The following SLC52A3 variants were observed in gnomAD, a reference collection of about 807,000 sequenced individuals.
SLC52A3 encodes the protein solute carrier family 52, riboflavin transporter, member 3.
A neutral mutation model predicts 29.5 loss-of-function variants in SLC52A3; 20 were observed. The ratio of observed to expected loss-of-function variants is 0.68; its 90% CI spans 0.48 to 0.99. The LOEUF is 0.99. Ranked by LOEUF, SLC52A3 falls within the 50% of genes least tolerant of loss-of-function variation. SLC52A3 has a pLI of 0.00. For synonymous variants in SLC52A3, 301 were observed against 271.0 expected, an observed-to-expected ratio of 1.11 and a Z score of -1.09; for missense variants, 548 against 612.9, an observed-to-expected ratio of 0.89 and a Z score of 1.12.
upstream of SLC52A3, among the ~76,000 whole-genome samples, chr20:777,542 A>G (rs543993102): frequency 4.6e-5 from 7 of 152,360 alleles, no homozygotes; most frequent in African/African-American, 7.2e-5. Flanking sequence ...TGGTGCCTCC[A>G]TGGATGTAAA....
In SLC52A3 at chr20:763,953, C is replaced by A; in HGVS notation, c.618G>T (p.Leu206Phe). 1 of 1,611,256 alleles carries A rather than the reference C, an allele frequency of 6.2e-7. No individual in the cohort carries two copies. The highest frequency in any genetic ancestry group is 8.5e-7 in the Non-Finnish European group (1 of 1,178,634). Reference sequence around the variant, plus strand: ...GAAGGTAGCGGCTCTCCAGGTGGGACAAGGGTGCTTCCATTCCGGGGAGGG... The same window carrying A: ...GAAGGTAGCGGCTCTCCAGGTGGGAAAAGGGTGCTTCCATTCCGGGGAGGG... ...VSALPGMEAP[L>F]SHLESRYLPA... Residue 206 changes from leucine to phenylalanine, a missense_variant, in exon 3 of 5, where the codon TTG (leucine) becomes TTT (phenylalanine). By Grantham distance (22) the Leu-to-Phe change is conservative. Coordinates refer to ENST00000645534, the MANE Select transcript of SLC52A3 (RefSeq NM_033409.4).
chr20:760,740 C>A lies in SLC52A3; in HGVS notation c.*286G>T, dbSNP rs530060476. 51 of 481,658 alleles carry A rather than the reference C, an allele frequency of 1.1e-4. No individual in the cohort carries two copies. In the East Asian group the frequency reaches 1.6e-3, roughly 15 times the overall value. The allele number at this position is 481,658 out of a possible 1,614,324, so 29.8% of individuals were successfully genotyped here. On this transcript the variant is annotated 3_prime_UTR_variant, in exon 5 of 5. Transcript: ENST00000645534. The surrounding 1 kb of genome is among the most constrained non-coding windows in gnomAD (Gnocchi z 4.9). ...GCTGTCCCAGCTGTTTCCCTTCTAA[C>A]ACCCTTGGGCCTGCCTCCAGCTAGA... is the stretch of plus-strand genomic sequence containing the variant.
chr20:762,837 C>T (rs781117669), intron 3 of SLC52A3, among the ~76,000 whole-genome samples: 4 of 152,150 alleles, frequency 2.6e-5, no homozygotes, highest in Non-Finnish European at 5.9e-5. Flanking sequence ...AGCGTGGATA[C>T]GAGGCTGTAG....
upstream of SLC52A3, among the ~76,000 whole-genome samples, chr20:779,391 G>A (rs532650514): frequency 4.1e-4 from 63 of 152,344 alleles, no homozygotes; most frequent in Admixed American, 9.8e-4. Flanking sequence ...GGAGGCCAAC[G>A]CGGGTGGATC....
At chr20:766,688 C>G (rs1326651557) in intron 1 of SLC52A3, among the ~76,000 whole-genome samples, 1 of 152,122 alleles carries the variant, frequency 6.6e-6, no homozygotes, top group African/African-American at 2.4e-5. Context: ...TATCTCCCTT[C>G]GCTGACTCTC....
intron 1 of SLC52A3, among the ~76,000 whole-genome samples, chr20:774,546 C>T (rs527554585): frequency 2.6e-5 from 4 of 152,198 alleles, no homozygotes; most frequent in Middle Eastern, 3.4e-3. Flanking sequence ...CAGAAAGAAC[C>T]GAAAGCTAGA....
upstream of SLC52A3, among the ~76,000 whole-genome samples, chr20:771,207 G>A (rs1986833097): frequency 6.6e-6 from 1 of 152,180 alleles, no homozygotes; most frequent in African/African-American, 2.4e-5. Context: ...ATCACTTGAG[G>A]TCAGGAGTTC....
intron 2 of SLC52A3, 152 bp from the exon 3 acceptor site, chr20:764,155 C>T (rs1986594537): frequency 4.3e-6 from 4 of 923,998 alleles, no homozygotes; most frequent in East Asian, 5.3e-5. Context: ...AATGACTGCT[C>T]ATACTGACTG....
chr20:774,270 T>A (rs753840318), intron 1 of SLC52A3, among the ~76,000 whole-genome samples: 1 of 152,184 alleles, frequency 6.6e-6, no homozygotes, highest in Non-Finnish European at 1.5e-5. Context: ...CCTGGGGCAG[T>A]GCCAGGTGGC....
chr20:761,882 C>T, intron 3 of SLC52A3, 58 bp from the exon 4 acceptor site: 1 of 1,612,082 alleles, frequency 6.2e-7, no homozygotes, highest in Non-Finnish European at 8.5e-7. Flanking sequence ...GACCCCCCCG[C>T]CCCACTGGGC....
At chr20:772,587 GTTTT>G (rs11475216), upstream of SLC52A3, among the ~76,000 whole-genome samples, 82 of 147,718 alleles carry the variant, frequency 5.6e-4, 2 homozygotes, top group Admixed American at 1.3e-3. Context: ...TGTATTTTCT[GTTTT>G]TTTTTTTTTT....
At chr20:771,420 CTT>C (rs138690477), upstream of SLC52A3, among the ~76,000 whole-genome samples, 27,840 of 152,102 alleles carry the variant, frequency 0.18, 3,227 homozygotes, top group Middle Eastern at 0.32. Context: ...AAGCAAGACT[CTT>C]GTCTCAAAAA....
At position 761,179 on chromosome 20, in the gene SLC52A3, C is replaced by A; in HGVS notation, c.1257G>T (p.Val419=). The A allele has an allele frequency of 3.2e-6, 5 of 1,571,444 alleles. No homozygotes were observed. The highest frequency in any genetic ancestry group is 2.6e-6 in the Non-Finnish European group (3 of 1,159,996). ...CGCTGCGGCTGAGGTCGCGCAGGAC[C>A]ACGCCCAGCATCACCTTGACGTAAC... ...CLSYVKVMLG[V]VLRDLSRSAL... is the part of the protein sequence containing the mutation. Residue 419 remains valine (V), a synonymous_variant, in exon 5 of 5, where the codon GTG becomes GTT. Transcript: ENST00000645534.
At chr20:775,111 TGACCTTGGTGGAGCA>T (rs1054057133) in intron 1 of SLC52A3, among the ~76,000 whole-genome samples, 3 of 152,296 alleles carry the variant, frequency 2.0e-5, no homozygotes, top group Non-Finnish European at 4.4e-5. Context: ...CCCATGGGGC[TGACCTTGGTGGAGCA>T]GCCTCCCCCA....
Position 763,742 on chromosome 20 carries a change from C to G in SLC52A3, c.829G>C (p.Gly277Arg). ...PREENDLGPAGTVDSSQGQGY... is the reference protein window; with the variant it reads ...PREENDLGPARTVDSSQGQGY... ...TGGCCCTGGCTGCTGTCCACCGTGC[C>G]TGCAGGGCCCAAGTCATTCTCTTCC... is the stretch of plus-strand genomic sequence containing the variant. Residue 277 changes from glycine to arginine, a missense_variant, in exon 3 of 5, where the codon GGC becomes CGC. This residue lies in a region of SLC52A3 where 375 missense variants were observed against 471.1 expected (regional missense o/e 0.80). Coordinates refer to ENST00000645534, the MANE Select transcript of SLC52A3 (RefSeq NM_033409.4). 1.9e-6 allele frequency: 3 copies of G among 1,614,064 alleles called. No homozygotes were observed. In the East Asian group the frequency reaches 6.7e-5, roughly 36 times the overall value.
At chr20:768,162 G>C (rs139040886) in intron 1 of SLC52A3, 135 bp downstream of exon 1, 2 of 152,236 alleles carry the variant, frequency 1.3e-5, no homozygotes, top group African/African-American at 2.4e-5. Flanking sequence ...CACCTCTAAG[G>C]GTTACTGATC....
rs1986540731 is a variant in SLC52A3, at chr20:762,975, T to C, written c.1073+523A>G. The stretch of plus-strand genomic sequence containing the variant: ...CAGGTCCCAGTCTAGGCTGGTTCAA[T>C]CTGCATTTTATCAACTTGCCCAGCC... On this transcript the variant is annotated intron_variant, in intron 3 of 4. Transcript: ENST00000645534. Among the ~76,000 whole-genome samples, 5 of 152,244 alleles carry C rather than the reference T, an allele frequency of 3.3e-5. No homozygotes were observed. The South Asian group carries it at 1.0e-3, about 31-fold the overall frequency.
chr20:760,181 C>T lies in SLC52A3; in HGVS notation c.*845G>A, dbSNP rs1986407331. On this transcript the variant is annotated 3_prime_UTR_variant, in exon 5 of 5. Transcript: ENST00000645534. This position sits in a 1 kb window ranked among gnomAD's most constrained non-coding sequence, Gnocchi z 4.9. Reference sequence around the variant, plus strand: ...CCATTTGAGAGAATACTTCCAGGGGCTCTGCATGTCTGGTCCCCAACCTGG... The same window carrying T: ...CCATTTGAGAGAATACTTCCAGGGGTTCTGCATGTCTGGTCCCCAACCTGG... 6.6e-6 allele frequency: 1 copy of T among 152,232 alleles called. No homozygotes were observed. Among genetic ancestry groups the T allele is most frequent in the Non-Finnish European group, 1.5e-5 (1 of 68,038 alleles). 9.4% of individuals were successfully genotyped at this position (152,232 alleles called of 1,614,324 possible).
At chr20:769,132 G>T (rs1986775258), upstream of SLC52A3, among the ~76,000 whole-genome samples, 1 of 152,200 alleles carries the variant, frequency 6.6e-6, no homozygotes, top group Non-Finnish European at 1.5e-5. Context: ...CTTAGCTTAG[G>T]ATTTGTAAAT....
Sources: gnomAD v4.1 joint callset for allele counts (sites outside exome capture counted in the v4.1 genomes callset) on GRCh38, gnomAD v4.1.1 for gene constraint, gnomAD v4.1.1 regional missense constraint, Gnocchi (gnomAD v3.1) non-coding constraint, MANE v1.5 for transcripts, NCBI Gene and HGNC (gene_info 2026-07-23, HGNC 2026-07-21) for gene names.